Variants in PON3 observed in about 807,000 individuals in gnomAD.
The protein encoded by PON3 is paraoxonase 3.
Under a neutral mutation model 36.3 loss-of-function variants are expected in PON3, and 37 were observed. The ratio of observed to expected loss-of-function variants is 1.02; its 90% CI spans 0.78 to 1.34. PON3 has a LOEUF of 1.34. PON3 is among the 40% of genes most tolerant of loss of function. PON3 has a pLI of 0.00. For missense variants in PON3, 415 were observed against 426.5 expected (o/e 0.97, Z 0.24); for synonymous variants, 155 against 154.8 (o/e 1.00, Z -0.01).
intron 3 of PON3, among the ~76,000 whole-genome samples, chr7:95,374,932 C>T (rs1585724068): frequency 6.6e-6 from 1 of 152,068 alleles, no homozygotes; most frequent in East Asian, 1.9e-4. Context: ...CATAAAGATT[C>T]AGGTATTTCC....
chr7:95,381,149 T>G (rs1344163895), intron 3 of PON3, among the ~76,000 whole-genome samples: 1 of 152,088 alleles, frequency 6.6e-6, no homozygotes, highest in African/African-American at 2.4e-5. Flanking sequence ...GACAAGCAAA[T>G]GCAGAGAAAT....
intron 1 of PON3, 123 bp downstream of exon 1, chr7:95,396,154 G>A (rs967635334): frequency 2.6e-5 from 27 of 1,025,060 alleles, no homozygotes; most frequent in Non-Finnish European, 4.0e-5. Flanking sequence ...GGGTGAGATG[G>A]AGGAGTGAGG....
chr7:95,376,012 G>A (rs35486199), intron 3 of PON3, among the ~76,000 whole-genome samples: 2,698 of 152,296 alleles, frequency 0.018, 46 homozygotes, highest in Middle Eastern at 0.061. Flanking sequence ...TAGTATGTTC[G>A]GTGTTGGGCA....
rs766263586 is a variant in PON3 at position 95,367,474 on chromosome 7, G to T, written c.382C>A (p.Leu128Ile). Residue 128 changes from leucine (L) to isoleucine (I), a missense_variant, in exon 5 of 9, where the codon CTT becomes ATT. Transcript: ENST00000265627. ...ATGTGGGGATGATTCACAACATAAA[G>T]ATACACAGTATTGTCTACATGGAAA... is the stretch of plus-strand genomic sequence containing the variant. ...IFIDKDNTVY[L>I]YVVNHPHMKS... The T allele has an allele frequency of 6.2e-7, 1 of 1,613,070 alleles. No homozygotes were observed. Among genetic ancestry groups the T allele is most frequent in the Non-Finnish European group, 8.5e-7 (1 of 1,179,378 alleles).
chr7:95,390,113 G>T, intron 3 of PON3, 41 bp downstream of exon 3: 1 of 1,542,048 alleles, frequency 6.5e-7, no homozygotes, highest in Non-Finnish European at 9.0e-7. Context: ...TGTCTATACA[G>T]CTATTGATGT....
chr7:95,390,373 A>C (rs1386302007), intron 2 of PON3, among the ~76,000 whole-genome samples, 164 bp from the exon 3 acceptor site: 1 of 152,220 alleles, frequency 6.6e-6, no homozygotes, highest in Non-Finnish European at 1.5e-5. Context: ...TCTCACAGGC[A>C]TGCTACTCTA....
rs187063997 is a variant in PON3 at position 95,362,090 on chromosome 7, G to C, written c.906+272C>G. On this transcript the variant is annotated intron_variant, in intron 8 of 8. Transcript: ENST00000265627. ...CCTGCTCAGAGACTATCTCCTGATTGGAAATACGATATGGCAATCTGGGTC... is the reference window on the plus strand; with the variant it reads ...CCTGCTCAGAGACTATCTCCTGATTCGAAATACGATATGGCAATCTGGGTC... 8.4e-4 allele frequency among the ~76,000 whole-genome samples: 128 copies of C among 152,194 alleles called. 1 individual carries two copies. The highest frequency in any genetic ancestry group is 3.0e-3 in the African/African-American group (126 of 41,526).
intron 3 of PON3, among the ~76,000 whole-genome samples, chr7:95,382,342 T>A (rs1312774524): frequency 1.3e-5 from 2 of 151,438 alleles, no homozygotes; most frequent in African/African-American, 4.9e-5. Context: ...AGACAAGAAA[T>A]AACTAAGATC....
At chr7:95,362,564 C>T (rs1293742046) in intron 7 of PON3, 74 bp from the exon 8 acceptor site, 2 of 1,601,474 alleles carry the variant, frequency 1.2e-6, no homozygotes, top group African/African-American at 1.3e-5. Flanking sequence ...ATCCCCACAA[C>T]CCCTACAGCT....
chr7:95,390,781 T>C (rs778858885), intron 2 of PON3, among the ~76,000 whole-genome samples: 9 of 152,214 alleles, frequency 5.9e-5, no homozygotes, highest in Non-Finnish European at 1.2e-4. Flanking sequence ...CAGTAAGAGC[T>C]AGTTTTCAGC....
Position 95,363,932 on chromosome 7 carries a change from G to A in PON3, c.626C>T (p.Pro209Leu). ...LRWTYVLFYS[P>L]REVKVVAKGF... The stretch of plus-strand genomic sequence containing the variant: ...TTTGGCCACCACTTTAACCTCCCTT[G>A]GGCTGTAGAAAAGAACATAAGTCCA... Residue 209 changes from proline to leucine, a missense_variant, in exon 6 of 9, where the codon CCA becomes CTA. Pro to Leu is a moderately conservative substitution (Grantham distance 98). Transcript: ENST00000265627. The A allele has an allele frequency of 6.2e-7, 1 of 1,613,776 alleles. No homozygotes were observed. The highest frequency in any genetic ancestry group is 8.5e-7 in the Non-Finnish European group (1 of 1,179,752).
At chr7:95,370,247 T>C (rs1009219879) in intron 4 of PON3, among the ~76,000 whole-genome samples, 2 of 151,958 alleles carry the variant, frequency 1.3e-5, no homozygotes, top group Non-Finnish European at 2.9e-5. Flanking sequence ...ATTGAGGTGG[T>C]ATGAGAAGGA....
chr7:95,388,120 C>T (rs1262842192), intron 3 of PON3, among the ~76,000 whole-genome samples: 1 of 151,904 alleles, frequency 6.6e-6, no homozygotes, highest in African/African-American at 2.4e-5. Flanking sequence ...AGCTTCTGCA[C>T]AGCAAAAGAA....
At chr7:95,360,293 A>G (rs1179873151) in intron 8 of PON3, among the ~76,000 whole-genome samples, 162 bp from the exon 9 acceptor site, 10 of 151,762 alleles carry the variant, frequency 6.6e-5, no homozygotes, top group Non-Finnish European at 1.3e-4. Flanking sequence ...TACTAATGTC[A>G]TAGATATCTA....
chr7:95,378,700 T>A (rs1259778072), intron 3 of PON3, among the ~76,000 whole-genome samples: 1 of 152,138 alleles, frequency 6.6e-6, no homozygotes, highest in Non-Finnish European at 1.5e-5. Flanking sequence ...AGACAACAAA[T>A]GCTGAGAGAT....
intron 8 of PON3, among the ~76,000 whole-genome samples, chr7:95,361,811 T>C (rs1310051585): frequency 1.3e-5 from 2 of 152,290 alleles, no homozygotes; most frequent in East Asian, 1.9e-4. Flanking sequence ...AGTTGTCTTA[T>C]AATGTTGTTT....
chr7:95,370,226 T>C (rs1808779041), intron 4 of PON3, among the ~76,000 whole-genome samples: 4 of 152,148 alleles, frequency 2.6e-5, no homozygotes, highest in Admixed American at 2.6e-4. Flanking sequence ...AAATCCTTAC[T>C]ATGACAATGA....
chr7:95,367,788 A>G (rs1808731600), intron 4 of PON3, among the ~76,000 whole-genome samples: 1 of 152,232 alleles, frequency 6.6e-6, no homozygotes, highest in African/African-American at 2.4e-5. Context: ...AGCCTACAGA[A>G]CTATAATGAT....
chr7:95,376,902 GT>G (rs1465982128), intron 3 of PON3, among the ~76,000 whole-genome samples: 1 of 152,236 alleles, frequency 6.6e-6, no homozygotes, highest in Non-Finnish European at 1.5e-5. Flanking sequence ...TGGTTGGACA[GT>G]GGGTGCAGCC....
Sources: gnomAD v4.1 joint callset for allele counts (sites outside exome capture counted in the v4.1 genomes callset) on GRCh38, gnomAD v4.1.1 for gene constraint, MANE v1.5 for transcripts, NCBI Gene and HGNC (gene_info 2026-07-23, HGNC 2026-07-21) for gene names.